The following ARMC10 variants were observed in gnomAD, a reference collection of about 807,000 sequenced individuals.
The protein encoded by ARMC10 is armadillo repeat-containing protein 10.
A neutral mutation model predicts 30.2 loss-of-function variants in ARMC10; 23 were observed. The observed-to-expected ratio is 0.76, with a 90% CI of 0.55 to 1.08. ARMC10 has a LOEUF of 1.08. Among genes scored for constraint, ARMC10 ranks in the 50% least tolerant of loss-of-function variants. The pLI is 0.00. For synonymous variants in ARMC10, 111 were observed against 164.4 expected, an observed-to-expected ratio of 0.68 and a Z score of 2.48; for missense variants, 303 against 413.7, an observed-to-expected ratio of 0.73 and a Z score of 2.32.
At chr7:103,083,949 C>A in intron 3 of ARMC10, 119 bp downstream of exon 3, 1 of 1,466,002 alleles carries the variant, frequency 6.8e-7, no homozygotes, top group Non-Finnish European at 9.3e-7. Flanking sequence ...TGCAATGTGG[C>A]TACTTATACT....
chr7:103,076,282 T>C (rs953632337), intron 2 of ARMC10, among the ~76,000 whole-genome samples: 2 of 152,236 alleles, frequency 1.3e-5, no homozygotes, highest in Non-Finnish European at 2.9e-5. Context: ...CAGTACCATT[T>C]GCTACATGTA....
chr7:103,081,621 C>T lies in ARMC10; in HGVS notation c.245-2061C>T, dbSNP rs566358010. Among the ~76,000 whole-genome samples the T allele has an allele frequency of 5.9e-5, 9 of 152,316 alleles. No individual in the cohort carries two copies. In the South Asian group the frequency reaches 1.4e-3, roughly 25 times the overall value. On this transcript the variant is annotated intron_variant, in intron 2 of 6. Transcript: ENST00000323716. ...GACTCCTCAGTTCAAGTGATCTGCC[C>T]GCCTCAGCCTCCCAAAGTGCTGGGT...
intron 5 of ARMC10, among the ~76,000 whole-genome samples, chr7:103,093,992 A>G (rs1315976912): frequency 1.3e-5 from 2 of 152,202 alleles, no homozygotes; most frequent in Admixed American, 1.3e-4. Context: ...TCTGCCTTGG[A>G]ACATACCTAC....
intron 3 of ARMC10, among the ~76,000 whole-genome samples, chr7:103,086,189 G>A (rs1327202680): frequency 6.6e-6 from 1 of 152,102 alleles, no homozygotes; most frequent in Non-Finnish European, 1.5e-5. Flanking sequence ...TGAGGGATTA[G>A]TGTTTCAAAT....
chr7:103,090,100 G>A (rs1395698778), intron 4 of ARMC10, among the ~76,000 whole-genome samples: 15 of 152,190 alleles, frequency 9.9e-5, no homozygotes, highest in Admixed American at 9.8e-4. Flanking sequence ...GGGAAGGAGA[G>A]AATTCCAAGA....
intron 5 of ARMC10, 88 bp from the exon 6 acceptor site, chr7:103,097,189 A>T (rs1801825844): frequency 1.8e-6 from 2 of 1,119,576 alleles, no homozygotes; most frequent in Admixed American, 3.4e-5. Flanking sequence ...CAGGACTTTA[A>T]CAGGAAGACA....
chr7:103,083,046 C>T (rs1395515003), intron 2 of ARMC10: 1 of 456,616 alleles, frequency 2.2e-6, no homozygotes. Flanking sequence ...AATCATATTT[C>T]CTAATTAATC....
At chr7:103,084,922 T>C (rs575794978) in intron 3 of ARMC10, among the ~76,000 whole-genome samples, 5 of 152,182 alleles carry the variant, frequency 3.3e-5, no homozygotes, top group Non-Finnish European at 7.3e-5. Flanking sequence ...CCCATGTTTA[T>C]TGAGGCCTGG....
chr7:103,095,569 C>T (rs918628398), intron 5 of ARMC10, among the ~76,000 whole-genome samples: 1 of 152,128 alleles, frequency 6.6e-6, no homozygotes, highest in Non-Finnish European at 1.5e-5. Flanking sequence ...GTGAAGAGCA[C>T]ATTTGTCCCA....
intron 2 of ARMC10, among the ~76,000 whole-genome samples, chr7:103,082,746 T>G (rs540078505): frequency 5.5e-4 from 84 of 152,170 alleles, no homozygotes; most frequent in African/African-American, 1.9e-3. Flanking sequence ...AGTAAGAGTG[T>G]TATAAAATGG....
rs965525369 is a variant in ARMC10, at chr7:103,075,252, C to G, written c.-21C>G. On this transcript the variant is annotated 5_prime_UTR_variant, in exon 1 of 7. Coordinates refer to ENST00000323716, the MANE Select transcript of ARMC10 (RefSeq NM_031905.5). ...AGCCTCCTGCCCTGGCCCGGCGCTG[C>G]GGCTCTGCCGCGGCGGCAGCATGGG... is the stretch of plus-strand genomic sequence containing the variant. 6 of 1,179,688 alleles carry G rather than the reference C, an allele frequency of 5.1e-6. No individual in the cohort carries two copies. In the African/African-American group the frequency reaches 6.4e-5, roughly 13 times the overall value. 73.1% of individuals were successfully genotyped at this position (1,179,688 alleles called of 1,614,324 possible).
intron 6 of ARMC10, 138 bp downstream of exon 6, chr7:103,097,486 C>A (rs1026237584): frequency 1.5e-5 from 8 of 551,388 alleles, no homozygotes; most frequent in South Asian, 5.1e-5. Flanking sequence ...TTTTTAAATT[C>A]ATTTTGTATG....
chr7:103,097,090 T>C (rs190531088), intron 5 of ARMC10, 187 bp from the exon 6 acceptor site: 18 of 606,634 alleles, frequency 3.0e-5, no homozygotes, highest in African/African-American at 9.2e-5. Context: ...CCAAGTGTTA[T>C]AAGAGTTCAG....
intron 2 of ARMC10, chr7:103,083,080 G>C (rs1218865591): frequency 2.2e-6 from 1 of 456,680 alleles, no homozygotes; most frequent in Admixed American, 2.3e-5. Flanking sequence ...GTGTTCATTG[G>C]ATGGGTGTAC....
chr7:103,088,284 G>T (rs759594516), intron 4 of ARMC10, among the ~76,000 whole-genome samples: 1 of 152,080 alleles, frequency 6.6e-6, no homozygotes, highest in Non-Finnish European at 1.5e-5. Context: ...GCTAATCAGA[G>T]ACTAAAGAAC....
intron 4 of ARMC10, among the ~76,000 whole-genome samples, chr7:103,092,054 C>T (rs1392054573): frequency 2.0e-5 from 3 of 152,138 alleles, no homozygotes; most frequent in Admixed American, 1.3e-4. Flanking sequence ...ATATTTTGGC[C>T]GGGCACAGTG....
Position 103,092,250 on chromosome 7 carries a change from G to A in ARMC10, c.529-227G>A, listed in dbSNP as rs544447624. On this transcript the variant is annotated intron_variant, in intron 4 of 6. Coordinates refer to ENST00000323716, the MANE Select transcript of ARMC10 (RefSeq NM_031905.5). Reference sequence around the variant, plus strand: ...CTGGAGGCTGAGGCAGGAGAATGGCGTGAACCCAGGAGGCGGAGCTTGCAG... The same window carrying A: ...CTGGAGGCTGAGGCAGGAGAATGGCATGAACCCAGGAGGCGGAGCTTGCAG... Among the ~76,000 whole-genome samples, 26 of 28,154 alleles carry A rather than the reference G, an allele frequency of 9.2e-4. 1 individual carries two copies. In the South Asian group the frequency reaches 0.4, roughly 433 times the overall value. The allele number at this position is 28,154 out of a possible 152,430, so 18.5% of individuals were successfully genotyped here.
rs1585802715 is a variant in ARMC10 at position 103,099,538 on chromosome 7, G to GT, written c.*991dup. The GT allele has an allele frequency of 7.8e-6, 1 of 128,738 alleles. No homozygotes were observed. Among genetic ancestry groups the GT allele is most frequent in the Non-Finnish European group, 1.7e-5 (1 of 57,906 alleles). 8.0% of individuals were successfully genotyped at this position (128,738 alleles called of 1,614,324 possible). A position where few individuals can be genotyped will look rare whatever the true frequency, so the allele number is the denominator to read the frequency against. ...GGAAAGATATCTATGAAATATGGTGGTTTTTTAAAACACAAAAATTATAGA... is the reference window on the plus strand; with the variant it reads ...GGAAAGATATCTATGAAATATGGTGGTTTTTTTAAAACACAAAAATTATAGA... On this transcript the variant is annotated 3_prime_UTR_variant, in exon 7 of 7. Coordinates refer to ENST00000323716, the MANE Select transcript of ARMC10 (RefSeq NM_031905.5).
rs747076972 is a variant in ARMC10, at chr7:103,075,422, G to A, written c.139+11G>A. 4.7e-6 allele frequency: 6 copies of A among 1,289,610 alleles called. No homozygotes were observed. The Admixed American group carries it at 9.8e-5, about 21-fold the overall frequency. 79.9% of individuals were successfully genotyped at this position (1,289,610 alleles called of 1,614,324 possible). A position where few individuals can be genotyped will look rare whatever the true frequency, so the allele number is the denominator to read the frequency against. On this transcript the variant is annotated intron_variant, in intron 1 of 6. Coordinates refer to ENST00000323716, the MANE Select transcript of ARMC10 (RefSeq NM_031905.5). ...CTTCGAAGTCCGCAGGTGGGACCCC[G>A]GGGTTTCCGGCAGGTGGGCGGGGAC...
Sources: gnomAD v4.1 joint callset for allele counts (sites outside exome capture counted in the v4.1 genomes callset) on GRCh38, gnomAD v4.1.1 for gene constraint, MANE v1.5 for transcripts, NCBI Gene and HGNC (gene_info 2026-07-23, HGNC 2026-07-21) for gene names.